The following PTPRN2 variants were observed in gnomAD, a reference collection of about 807,000 sequenced individuals.
The protein encoded by PTPRN2 is protein tyrosine phosphatase receptor type N2.
Under a neutral mutation model 118.8 loss-of-function variants are expected in PTPRN2, and 74 were observed. That is an observed-to-expected ratio of 0.62 (90% CI 0.52 to 0.76). The LOEUF (loss-of-function observed/expected upper bound fraction) is 0.76, where lower values mean the gene tolerates loss of function less well. Ranked by LOEUF, PTPRN2 falls within the 30% of genes least tolerant of loss-of-function variation. The pLI, the probability that PTPRN2 is intolerant of heterozygous loss-of-function variation, is 0.00. For missense variants in PTPRN2, 1,481 were observed against 1,394.4 expected, an observed-to-expected ratio of 1.06 and a Z score of -0.99; for synonymous variants, 641 against 608.0, an observed-to-expected ratio of 1.05 and a Z score of -0.80.
chr7:158,166,015 C>T (rs1822936657), intron 6 of PTPRN2, among the ~76,000 whole-genome samples: 1 of 152,076 alleles, frequency 6.6e-6, no homozygotes. Context: ...TGCTGGGCCA[C>T]AGGGAGAGGT....
At chr7:157,887,966 G>A (rs973214003) in intron 12 of PTPRN2, among the ~76,000 whole-genome samples, 7 of 149,364 alleles carry the variant, frequency 4.7e-5, no homozygotes, top group East Asian at 2.0e-4. Flanking sequence ...AGGCACCACC[G>A]CCCCCTGCCT....
chr7:158,475,188 G>A (rs542316034), intron 2 of PTPRN2, among the ~76,000 whole-genome samples: 44 of 106,140 alleles, frequency 4.1e-4, no homozygotes, highest in African/African-American at 1.5e-3. Context: ...AGCTCCCAGA[G>A]GAGCAGCCTG....
chr7:158,423,556 CAA>C (rs775894808), intron 2 of PTPRN2, among the ~76,000 whole-genome samples: 9 of 150,498 alleles, frequency 6.0e-5, no homozygotes, highest in Non-Finnish European at 1.3e-4. Flanking sequence ...TTTTTTGAGA[CAA>C]AGTCTCACTC....
At chr7:158,558,186 A>G (rs990477054) in intron 1 of PTPRN2, among the ~76,000 whole-genome samples, 2 of 151,962 alleles carry the variant, frequency 1.3e-5, no homozygotes, top group African/African-American at 2.4e-5. Flanking sequence ...GGGTCTTGCT[A>G]TGTTGCCCAG....
At chr7:157,689,770 G>A (rs948378429) in intron 12 of PTPRN2, among the ~76,000 whole-genome samples, 5 of 152,208 alleles carry the variant, frequency 3.3e-5, no homozygotes, top group African/African-American at 1.2e-4. Flanking sequence ...TTCTCTTTGG[G>A]GGAGGAGAGA....
In PTPRN2 at chr7:157,591,932, C is replaced by T. The variant is rs1801005553; in HGVS notation, c.2496+3306G>A. Among the ~76,000 whole-genome samples, 1 of 152,188 alleles carries T rather than the reference C, an allele frequency of 6.6e-6. No homozygotes were observed. Among genetic ancestry groups the T allele is most frequent in the Non-Finnish European group, 1.5e-5 (1 of 68,030 alleles). On this transcript the variant is annotated intron_variant, in intron 17 of 22. Coordinates refer to ENST00000389418, the MANE Select transcript of PTPRN2 (RefSeq NM_002847.5). The surrounding 1 kb of genome is among the most constrained non-coding windows in gnomAD (Gnocchi z 4.4). ...AAATGAAGCGAGTTTCTTTAGTTCA[C>T]AATTTCTCAGAGGCTCTGCTCGGCT...
intron 2 of PTPRN2, among the ~76,000 whole-genome samples, chr7:158,358,436 C>G (rs60594137): frequency 2.0e-5 from 3 of 152,126 alleles, no homozygotes; most frequent in Non-Finnish European, 4.4e-5. Flanking sequence ...AATATTCGGC[C>G]GACGGAAATG....
chr7:157,576,553 T>C (rs1480121479), intron 19 of PTPRN2, 60 bp downstream of exon 19: 3 of 1,459,830 alleles, frequency 2.1e-6, no homozygotes, highest in Admixed American at 2.3e-5. Context: ...CACCGAAGCC[T>C]CGCTCCCCTG....
intron 3 of PTPRN2, among the ~76,000 whole-genome samples, chr7:158,222,728 TAAAAG>T (rs1828464304): frequency 6.6e-6 from 1 of 151,130 alleles, no homozygotes; most frequent in African/African-American, 2.4e-5. Flanking sequence ...AAAAGAAAAA[TAAAAG>T]AGAAAGTCTC....
At chr7:157,876,367 G>C (rs1795768992) in intron 12 of PTPRN2, among the ~76,000 whole-genome samples, 1 of 152,164 alleles carries the variant, frequency 6.6e-6, no homozygotes, top group Non-Finnish European at 1.5e-5. Flanking sequence ...ACCAGCAGCG[G>C]CCCCAGGACA....
rs1004581069 is a variant in PTPRN2 at position 157,560,110 on chromosome 7, G to T, written c.2902+8792C>A. Among the ~76,000 whole-genome samples, 2 of 152,168 alleles carry T rather than the reference G, an allele frequency of 1.3e-5. No homozygotes were observed. Among genetic ancestry groups the T allele is most frequent in the African/African-American group, 4.8e-5 (2 of 41,446 alleles). ...TCCAATGGGCCTGAGGTGTCTGCGT[G>T]ACCATGAGGAGAAGCGGAGGACAGC... On this transcript the variant is annotated intron_variant, in intron 21 of 22. Transcript: ENST00000389418. The surrounding 1 kb of genome is among the most constrained non-coding windows in gnomAD (Gnocchi z 6.7).
intron 11 of PTPRN2, among the ~76,000 whole-genome samples, chr7:158,073,239 G>C (rs1043526769): frequency 6.6e-6 from 1 of 152,224 alleles, no homozygotes; most frequent in South Asian, 2.1e-4. Context: ...ATTGGTAGAA[G>C]AACTCCCAAG....
At chr7:157,836,787 T>G (rs975601010) in intron 12 of PTPRN2, among the ~76,000 whole-genome samples, 4 of 152,178 alleles carry the variant, frequency 2.6e-5, no homozygotes, top group African/African-American at 9.7e-5. Flanking sequence ...GCCTGGACCA[T>G]TTTTAATTGC....
intron 12 of PTPRN2, among the ~76,000 whole-genome samples, chr7:157,836,319 G>T (rs1807929309): frequency 6.6e-6 from 1 of 152,214 alleles, no homozygotes; most frequent in African/African-American, 2.4e-5. Flanking sequence ...AGTTCAACTG[G>T]ATAAGAGGAA....
chr7:158,443,183 T>G (rs1817477392), intron 2 of PTPRN2, among the ~76,000 whole-genome samples: 1 of 152,104 alleles, frequency 6.6e-6, no homozygotes, highest in South Asian at 2.1e-4. Context: ...CGGGTCTTTG[T>G]GGGCAGAGGC....
At chr7:158,162,982 G>A (rs1481392280) in intron 6 of PTPRN2, among the ~76,000 whole-genome samples, 1 of 152,294 alleles carries the variant, frequency 6.6e-6, no homozygotes, top group Non-Finnish European at 1.5e-5. Context: ...CATTATCACA[G>A]GGTCCTCCCT....
At chr7:158,340,109 G>T (rs373333937) in intron 2 of PTPRN2, among the ~76,000 whole-genome samples, 1,611 of 16,362 alleles carry the variant, frequency 0.098, 35 homozygotes, top group South Asian at 0.13. Flanking sequence ...ACCCACACTC[G>T]CACCATAAGA....
In PTPRN2 at chr7:157,617,567, T is replaced by C. The variant is rs1471726088; in HGVS notation, c.2344+3795A>G. ...GGCTCACGATGCCCCAGTGATGCCA[T>C]GGTTAGGATGCTGCTCAAGCAGCTG... On this transcript the variant is annotated intron_variant, in intron 15 of 22. Transcript: ENST00000389418. The surrounding 1 kb of genome is among the most constrained non-coding windows in gnomAD (Gnocchi z 7.5). The C allele has an allele frequency of 6.6e-6, 1 of 152,318 alleles. No homozygotes were observed. The highest frequency in any genetic ancestry group is 2.4e-5 in the African/African-American group (1 of 41,442). The allele number at this position is 152,318 out of a possible 1,614,324, so 9.4% of individuals were successfully genotyped here. A position where few individuals can be genotyped will look rare whatever the true frequency, so the allele number is the denominator to read the frequency against.
intron 12 of PTPRN2, among the ~76,000 whole-genome samples, chr7:157,684,708 G>GCGCCCCTCCC (rs970698346): frequency 2.0e-5 from 3 of 151,298 alleles, no homozygotes; most frequent in South Asian, 2.1e-4. Flanking sequence ...GGTCTCCTGC[G>GCGCCCCTCCC]CGCCCCTCCC....
Sources: allele counts gnomAD v4.1 joint callset (sites outside exome capture counted in the v4.1 genomes callset), GRCh38; gene constraint gnomAD v4.1.1; non-coding constraint Gnocchi (gnomAD v3.1); transcripts MANE v1.5; gene names NCBI Gene and HGNC (gene_info 2026-07-23, HGNC 2026-07-21).